Variants in CDH13 observed in about 807,000 individuals in gnomAD.
CDH13 encodes cadherin-13.
A neutral mutation model predicts 63.8 loss-of-function variants in CDH13; 24 were observed. The observed-to-expected ratio is 0.38, with a 90% CI of 0.27 to 0.53. CDH13 has a LOEUF of 0.53. Ranked by LOEUF, CDH13 falls within the 20% of genes least tolerant of loss-of-function variation. The pLI, the probability that CDH13 is intolerant of heterozygous loss-of-function variation, is 0.85. For synonymous variants in CDH13, 503 were observed against 355.3 expected (o/e 1.42, Z -4.67); for missense variants, 1,049 against 903.1 (o/e 1.16, Z -2.07).
chr16:83,422,650 C>T (rs1000078367), intron 6 of CDH13, among the ~76,000 whole-genome samples: 2 of 152,166 alleles, frequency 1.3e-5, no homozygotes, highest in African/African-American at 4.8e-5. Context: ...TGTGACACTG[C>T]TGCTAAAGTG....
At chr16:82,735,680 C>T (rs1326046083) in intron 1 of CDH13, among the ~76,000 whole-genome samples, 1 of 152,164 alleles carries the variant, frequency 6.6e-6, no homozygotes, top group Non-Finnish European at 1.5e-5. Context: ...TAAATGGATT[C>T]CAGCTTCATT....
chr16:82,724,151 AT>A (rs2032951069), intron 1 of CDH13, among the ~76,000 whole-genome samples: 1 of 152,114 alleles, frequency 6.6e-6, no homozygotes, highest in African/African-American at 2.4e-5. Flanking sequence ...GTTTTTTGTT[AT>A]ATACACAAAT....
intron 10 of CDH13, among the ~76,000 whole-genome samples, chr16:83,713,277 C>T (rs887310139): frequency 6.6e-6 from 1 of 152,228 alleles, no homozygotes; most frequent in Non-Finnish European, 1.5e-5. Flanking sequence ...ATCCAGCACA[C>T]ACCAGAAATG....
chr16:83,171,936 C>G (rs1235413405), intron 4 of CDH13, among the ~76,000 whole-genome samples: 1 of 152,102 alleles, frequency 6.6e-6, no homozygotes, highest in African/African-American at 2.4e-5. Flanking sequence ...TATTGTCATC[C>G]TGCATGGTGA....
intron 9 of CDH13, among the ~76,000 whole-genome samples, chr16:83,675,611 T>C (rs1196290287): frequency 1.3e-5 from 2 of 152,184 alleles, no homozygotes; most frequent in Non-Finnish European, 2.9e-5. Flanking sequence ...ATGGGAAATA[T>C]TCAACATTCA....
intron 5 of CDH13, among the ~76,000 whole-genome samples, chr16:83,310,403 C>T (rs2089973883): frequency 6.6e-6 from 1 of 152,116 alleles, no homozygotes; most frequent in Non-Finnish European, 1.5e-5. Context: ...TGTGTGGGTA[C>T]ATGTGTGCAC....
Position 83,566,258 on chromosome 16 carries a change from A to C in CDH13, c.961-36196A>C, listed in dbSNP as rs6563934. ...TTGGCATCGTTCCCCAGCACCCACC[A>C]TTTGCTGGGAAGGAAGGACTGTTCT... On this transcript the variant is annotated intron_variant, in intron 7 of 13. Coordinates refer to ENST00000567109, the MANE Select transcript of CDH13 (RefSeq NM_001257.5). Among the ~76,000 whole-genome samples the C allele has an allele frequency of 3.1e-3, 472 of 152,210 alleles. 2 individuals carry two copies. The highest frequency in any genetic ancestry group is 0.011 in the African/African-American group (451 of 41,536).
chr16:83,689,696 A>T (rs1235842008), intron 10 of CDH13, among the ~76,000 whole-genome samples: 1 of 152,198 alleles, frequency 6.6e-6, no homozygotes, highest in Non-Finnish European at 1.5e-5. Context: ...ATCTCACTAG[A>T]AGATCCGACC....
intron 2 of CDH13, among the ~76,000 whole-genome samples, chr16:82,875,876 G>T (rs747570663): frequency 1.3e-5 from 2 of 152,190 alleles, no homozygotes; most frequent in Non-Finnish European, 2.9e-5. Context: ...AGACATACCC[G>T]AGACTGGGCA....
intron 5 of CDH13, among the ~76,000 whole-genome samples, chr16:83,343,150 G>T (rs1392703724): frequency 6.6e-6 from 1 of 151,870 alleles, no homozygotes; most frequent in African/African-American, 2.4e-5. Context: ...GAATTTGCTG[G>T]TAAAAGGATG....
chr16:83,370,385 T>C (rs1429437622), intron 6 of CDH13, among the ~76,000 whole-genome samples: 2 of 144,940 alleles, frequency 1.4e-5, no homozygotes, highest in African/African-American at 5.3e-5. Context: ...GAGACTCCAT[T>C]TCAAAAAAAA....
At position 83,047,524 on chromosome 16, in the gene CDH13, G is replaced by A. The variant is rs35363113; in HGVS notation, c.366+15306G>A. Among the ~76,000 whole-genome samples, 5 of 152,192 alleles carry A rather than the reference G, an allele frequency of 3.3e-5. No individual in the cohort carries two copies. Among genetic ancestry groups the A allele is most frequent in the Non-Finnish European group, 7.4e-5 (5 of 68,014 alleles). Reference sequence around the variant, plus strand: ...ATATTTTCTCTGCATGGAAGGGGAGGATAAGAAAGAAGACCTAAAAACTGA... The same window carrying A: ...ATATTTTCTCTGCATGGAAGGGGAGAATAAGAAAGAAGACCTAAAAACTGA... On this transcript the variant is annotated intron_variant, in intron 3 of 13. Transcript: ENST00000567109. This position sits in a 1 kb window ranked among gnomAD's most constrained non-coding sequence, Gnocchi z 4.9.
chr16:83,041,474 A>G (rs552117255), intron 3 of CDH13, among the ~76,000 whole-genome samples: 21 of 152,256 alleles, frequency 1.4e-4, no homozygotes, highest in South Asian at 1.2e-3. Context: ...AATTTTTTTA[A>G]TAAAAATATA....
chr16:82,729,430 C>G (rs550528708), intron 1 of CDH13, among the ~76,000 whole-genome samples: 2 of 152,030 alleles, frequency 1.3e-5, no homozygotes, highest in Non-Finnish European at 2.9e-5. Context: ...TCGTACATCT[C>G]TATTAGAGCT....
intron 1 of CDH13, among the ~76,000 whole-genome samples, chr16:82,796,447 A>G (rs1388590564): frequency 6.6e-6 from 1 of 152,198 alleles, no homozygotes; most frequent in African/African-American, 2.4e-5. Flanking sequence ...GTTCTGGGCC[A>G]TGCACTCTAG....
chr16:82,859,082 T>A (rs1240385028), intron 2 of CDH13: 1 of 152,426 alleles, frequency 6.6e-6, no homozygotes, highest in Non-Finnish European at 1.5e-5. Context: ...TTGTTTTTAA[T>A]GTCAATATTA....
chr16:83,729,432 T>C (rs1234211229), intron 10 of CDH13, among the ~76,000 whole-genome samples: 2 of 152,180 alleles, frequency 1.3e-5, no homozygotes, highest in Admixed American at 1.3e-4. Context: ...AAATATAGGC[T>C]CATGGTAAAA....
chr16:82,845,786 T>C (rs1175364974), intron 1 of CDH13, among the ~76,000 whole-genome samples: 4 of 152,198 alleles, frequency 2.6e-5, no homozygotes, highest in Non-Finnish European at 5.9e-5. Flanking sequence ...CATAAATAGA[T>C]GCAAATACCA....
chr16:83,130,225 T>C (rs2035988741), intron 4 of CDH13, among the ~76,000 whole-genome samples: 1 of 152,218 alleles, frequency 6.6e-6, no homozygotes, highest in South Asian at 2.1e-4. Flanking sequence ...ATTCTTATGA[T>C]AACAACCACA....
Sources: allele counts gnomAD v4.1 joint callset (sites outside exome capture counted in the v4.1 genomes callset), GRCh38; gene constraint gnomAD v4.1.1; non-coding constraint Gnocchi (gnomAD v3.1); transcripts MANE v1.5; gene names NCBI Gene and HGNC (gene_info 2026-07-23, HGNC 2026-07-21).